Variants in NCR1 observed in about 807,000 individuals in gnomAD.
NCR1 encodes the protein natural cytotoxicity triggering receptor 1, also known as NK cell-activating receptor.
A neutral mutation model predicts 32.5 loss-of-function variants in NCR1; 30 were observed. The observed-to-expected ratio is 0.92, with a 90% CI of 0.69 to 1.25. The LOEUF is 1.25. NCR1 is among the 50% of genes most tolerant of loss of function. The probability of loss-of-function intolerance (pLI) is 0.00; values close to 1 mark genes in which losing one functional copy is unlikely to be tolerated. For missense variants in NCR1, 369 were observed against 380.7 expected, an observed-to-expected ratio of 0.97 and a Z score of 0.26; for synonymous variants, 169 against 143.4, an observed-to-expected ratio of 1.18 and a Z score of -1.28.
downstream of NCR1, among the ~76,000 whole-genome samples, chr19:54,919,024 T>C (rs140606949): frequency 1.3e-4 from 20 of 151,442 alleles, no homozygotes; most frequent in East Asian, 3.9e-3. Flanking sequence ...ATTCTACTCC[T>C]GTTAGAATAA....
chr19:54,926,676 G>T, the NCR1 span, among the ~76,000 whole-genome samples: 3 of 152,052 alleles, frequency 2.0e-5, no homozygotes, highest in African/African-American at 7.2e-5. Context: ...AGCACTTTGG[G>T]AGGCCAAGGC....
In NCR1 at chr19:54,906,706, T is replaced by C. The variant is rs747922292; in HGVS notation, c.254T>C (p.Ile85Thr). ...PERINKVQFYIPDMNSRMAGQ... is the reference protein window; with the variant it reads ...PERINKVQFYTPDMNSRMAGQ... ...CGGATTAACAAAGTCCAATTCTACA[T>C]CCCGGACATGAACTCCCGCATGGCA... is the stretch of plus-strand genomic sequence containing the variant. Residue 85 changes from isoleucine to threonine, a missense_variant, in exon 3 of 7, where the codon ATC becomes ACC. Ile to Thr is a moderately conservative substitution (Grantham distance 89). Coordinates refer to ENST00000291890, the MANE Select transcript of NCR1 (RefSeq NM_004829.7). 17 of 1,614,040 alleles carry C rather than the reference T, an allele frequency of 1.1e-5. 1 individual carries two copies. Among genetic ancestry groups the C allele is most frequent in the Non-Finnish European group, 1.4e-5 (16 of 1,180,026 alleles).
At chr19:54,911,479 G>T (rs587703916) in intron 5 of NCR1, among the ~76,000 whole-genome samples, 2 of 152,034 alleles carry the variant, frequency 1.3e-5, no homozygotes, top group Admixed American at 1.3e-4. Context: ...GGGCTGGGCC[G>T]GGTGGCTCCT....
Position 54,912,180 on chromosome 19 carries a change from G to C in NCR1, c.695G>C (p.Gly232Ala). 1 of 1,613,940 alleles carries C rather than the reference G, an allele frequency of 6.2e-7. No homozygotes were observed. Among genetic ancestry groups the C allele is most frequent in the African/African-American group, 1.3e-5 (1 of 75,004 alleles). The change falls in exon 6 of 7, where the codon GGC (glycine) becomes GCC (alanine). Residue 232 changes from glycine (G) to alanine (A), a missense_variant. Transcript: ENST00000291890. ...CCCTTATCATCAGCAGACACTTGGGGCACCTACCTTTTAACCACAGAGACG... is the reference window on the plus strand; with the variant it reads ...CCCTTATCATCAGCAGACACTTGGGCCACCTACCTTTTAACCACAGAGACG... ...EDPTFPADTW[G>A]TYLLTTETGL...
intron 4 of NCR1, among the ~76,000 whole-genome samples, 159 bp from the exon 5 acceptor site, chr19:54,909,859 C>G (rs587629105): frequency 7.6e-6 from 1 of 132,062 alleles, no homozygotes; most frequent in Non-Finnish European, 1.6e-5. Flanking sequence ...CGCTTGAACC[C>G]GGGAGGCGGG....
chr19:54,931,796 G>A, the NCR1 span, among the ~76,000 whole-genome samples: 3 of 151,502 alleles, frequency 2.0e-5, no homozygotes, highest in South Asian at 4.2e-4. Context: ...GTTGCAGTGA[G>A]CCAAGATCGC....
At chr19:54,900,223 T>A in the NCR1 span, among the ~76,000 whole-genome samples, 12 of 152,284 alleles carry the variant, frequency 7.9e-5, no homozygotes, top group Non-Finnish European at 1.3e-4. Context: ...AAACAGGATT[T>A]GTGTGAGCAA....
upstream of NCR1, among the ~76,000 whole-genome samples, chr19:54,902,838 G>C (rs587640702): frequency 3.1e-5 from 4 of 130,416 alleles, no homozygotes; most frequent in Admixed American, 7.1e-5. Context: ...CAGTAAATAA[G>C]AAGGAGGCGG....
chr19:54,918,247 T>C (rs144272584), downstream of NCR1, among the ~76,000 whole-genome samples: 76 of 152,090 alleles, frequency 5.0e-4, no homozygotes, highest in East Asian at 0.014. Flanking sequence ...CATTTATTTT[T>C]TGAGATAGAG....
At chr19:54,924,432 G>A in the NCR1 span, among the ~76,000 whole-genome samples, 1 of 152,140 alleles carries the variant, frequency 6.6e-6, no homozygotes, top group South Asian at 2.1e-4. Flanking sequence ...AGGCCAGCCT[G>A]GGCAACACGG....
chr19:54,924,617 T>C, the NCR1 span, among the ~76,000 whole-genome samples: 3 of 151,914 alleles, frequency 2.0e-5, no homozygotes, highest in Non-Finnish European at 4.4e-5. Context: ...GAGTAAAACA[T>C]GCCTTTAAAA....
At position 54,909,242 on chromosome 19, in the gene NCR1, T is replaced by C. The variant is rs765165315; in HGVS notation, c.356-3T>C. On this transcript the variant is annotated splice_region_variant and splice_polypyrimidine_tract_variant and intron_variant, in intron 3 of 6. Coordinates refer to ENST00000291890, the MANE Select transcript of NCR1 (RefSeq NM_004829.7). ...GGTGTGGTGGCCCCACCTTCTCTCA[T>C]AGAAATGTATGACACACCCACCCTC... 15 of 1,605,178 alleles carry C rather than the reference T, an allele frequency of 9.3e-6. No individual in the cohort carries two copies. The East Asian group carries it at 3.1e-4, about 34-fold the overall frequency.
chr19:54,898,685 G>T, the NCR1 span, among the ~76,000 whole-genome samples: 1 of 152,150 alleles, frequency 6.6e-6, no homozygotes, highest in African/African-American at 2.4e-5. Context: ...GCGTCTCAGG[G>T]TTGCTGCCAA....
At chr19:54,932,406 C>T in the NCR1 span, among the ~76,000 whole-genome samples, 10 of 146,526 alleles carry the variant, frequency 6.8e-5, no homozygotes, top group African/African-American at 2.0e-4. Context: ...CCAGTCTGGG[C>T]GACAGAGTGA....
the NCR1 span, chr19:54,934,604 T>C: frequency 3.1e-6 from 5 of 1,613,992 alleles, no homozygotes; most frequent in Non-Finnish European, 4.2e-6. The surrounding 1 kb of genome is among the most constrained non-coding windows in gnomAD (Gnocchi z 6.7). Flanking sequence ...TGGTTGGCTT[T>C]GAGGACATAG....
At chr19:54,933,433 C>T in the NCR1 span, 1 of 1,122,842 alleles carries the variant, frequency 8.9e-7, no homozygotes, top group Non-Finnish European at 1.3e-6. Context: ...GCATGAGCCA[C>T]CACGCCTGGC....
At chr19:54,926,044 AAAAAAAAGACTCCGTCTC>A in the NCR1 span, among the ~76,000 whole-genome samples, 63 of 148,648 alleles carry the variant, frequency 4.2e-4, no homozygotes, top group Middle Eastern at 3.4e-3. Flanking sequence ...ACTCCGTCTC[AAAAAAAAGACTCCGTCTC>A]AAAAAAAAAT....
the NCR1 span, chr19:54,923,367 A>G: frequency 0.62 from 218,332 of 352,992 alleles, 69,218 homozygotes; most frequent in East Asian, 0.82. Flanking sequence ...AGTAGACCAC[A>G]TGGCGCCTGA....
In NCR1 at chr19:54,912,599, C is replaced by CAAAAAAAA. The variant is rs60025694; in HGVS notation, c.734-59_734-52dup. 10 of 375,306 alleles carry CAAAAAAAA rather than the reference C, an allele frequency of 2.7e-5. 1 individual carries two copies. The highest frequency in any genetic ancestry group is 6.4e-5 in the South Asian group (2 of 31,052). 23.2% of individuals were successfully genotyped at this position (375,306 alleles called of 1,614,324 possible). A position where few individuals can be genotyped will look rare whatever the true frequency, so the allele number is the denominator to read the frequency against. On this transcript the variant is annotated intron_variant, in intron 6 of 6. Transcript: ENST00000291890. Reference sequence around the variant, plus strand: ...GGGCGACAAGACTGAGGCTCTGTCTCAAAAAAAAAAAAAAAAAAAAAAAAA... The same window carrying CAAAAAAAA: ...GGGCGACAAGACTGAGGCTCTGTCTCAAAAAAAAAAAAAAAAAAAAAAAAAAAAAAAAA...
Sources: allele counts gnomAD v4.1 joint callset (sites outside exome capture counted in the v4.1 genomes callset), GRCh38; gene constraint gnomAD v4.1.1; non-coding constraint Gnocchi (gnomAD v3.1); transcripts MANE v1.5; gene names NCBI Gene and HGNC (gene_info 2026-07-23, HGNC 2026-07-21).